LSAMP: variants seen among roughly 807,000 people sequenced by gnomAD.
LSAMP encodes limbic system associated membrane protein, also known as limbic system-associated membrane protein.
In LSAMP, 7 loss-of-function variants were observed where a neutral mutation model predicts 38.6. The observed-to-expected ratio is 0.18, with a 90% CI of 0.10 to 0.34. The LOEUF (loss-of-function observed/expected upper bound fraction) is 0.34. Ranked by LOEUF, LSAMP falls within the 10% of genes least tolerant of loss-of-function variation. The pLI is 1.00. For synonymous variants in LSAMP, 154 were observed against 166.8 expected, an observed-to-expected ratio of 0.92 and a Z score of 0.59; for missense variants, 313 against 420.0, an observed-to-expected ratio of 0.75 and a Z score of 2.23.
intron 1 of LSAMP, among the ~76,000 whole-genome samples, chr3:116,201,929 C>G (rs572729113): frequency 6.6e-6 from 1 of 152,264 alleles, no homozygotes; most frequent in South Asian, 2.1e-4. Context: ...TTCTATTACT[C>G]AGAAAACCTT....
intron 1 of LSAMP, among the ~76,000 whole-genome samples, chr3:116,290,746 T>C (rs1209899678): frequency 8.8e-6 from 1 of 113,706 alleles, no homozygotes; most frequent in South Asian, 2.6e-4. Context: ...ATAATAATAA[T>C]AATAATAATA....
At chr3:116,003,663 T>C (rs930935772) in intron 3 of LSAMP, among the ~76,000 whole-genome samples, 1 of 152,024 alleles carries the variant, frequency 6.6e-6, no homozygotes, top group Non-Finnish European at 1.5e-5. Flanking sequence ...GAATCCTAAA[T>C]CCAATGATGT....
intron 1 of LSAMP, among the ~76,000 whole-genome samples, chr3:116,137,246 G>T (rs1709270923): frequency 2.0e-5 from 3 of 151,876 alleles, no homozygotes; most frequent in Admixed American, 2.0e-4. Context: ...ATTTTGAGAT[G>T]CCTATCTTAA....
At chr3:115,902,629 C>T (rs1449767133) in intron 3 of LSAMP, among the ~76,000 whole-genome samples, 1 of 151,980 alleles carries the variant, frequency 6.6e-6, no homozygotes, top group African/African-American at 2.4e-5. Context: ...CTATAAGGAA[C>T]TTAAAAAAAT....
chr3:115,995,681 T>C (rs1463960782), intron 3 of LSAMP, among the ~76,000 whole-genome samples: 3 of 152,028 alleles, frequency 2.0e-5, no homozygotes, highest in South Asian at 4.1e-4. Context: ...TGAGAAGATA[T>C]ATGTTTTAGT....
chr3:116,183,794 A>G (rs1576417655), intron 1 of LSAMP, among the ~76,000 whole-genome samples: 1 of 151,940 alleles, frequency 6.6e-6, no homozygotes, highest in East Asian at 1.9e-4. Flanking sequence ...TAATAAAAAT[A>G]GCAAGAAGAA....
intron 1 of LSAMP, among the ~76,000 whole-genome samples, chr3:116,189,014 C>A (rs1282530344): frequency 6.6e-6 from 1 of 152,164 alleles, no homozygotes; most frequent in Non-Finnish European, 1.5e-5. Flanking sequence ...CAACTTTATT[C>A]TAGGTGCTGG....
intron 2 of LSAMP, among the ~76,000 whole-genome samples, chr3:116,036,238 C>A (rs1319754326): frequency 1.3e-5 from 2 of 151,990 alleles, no homozygotes; most frequent in Non-Finnish European, 2.9e-5. Flanking sequence ...CTCTCAGAGT[C>A]CCTCATGTTT....
chr3:115,827,548 G>T (rs985847950), intron 6 of LSAMP, among the ~76,000 whole-genome samples: 15 of 152,044 alleles, frequency 9.9e-5, no homozygotes, highest in African/African-American at 3.6e-4. Context: ...GTAATGTCTG[G>T]GTGCTAATCA....
intron 1 of LSAMP, among the ~76,000 whole-genome samples, chr3:116,254,370 T>C (rs567860828): frequency 6.7e-6 from 1 of 149,918 alleles, no homozygotes; most frequent in East Asian, 2.0e-4. Flanking sequence ...CATGCAAAGA[T>C]GGAAAGTGAA....
intron 3 of LSAMP, among the ~76,000 whole-genome samples, chr3:115,897,414 C>T (rs1936756777): frequency 6.6e-6 from 1 of 151,914 alleles, no homozygotes; most frequent in East Asian, 1.9e-4. Flanking sequence ...TAGTTATTTA[C>T]CTCCCTCTTC....
chr3:116,086,983 G>A (rs1708003680), intron 1 of LSAMP, among the ~76,000 whole-genome samples: 1 of 152,170 alleles, frequency 6.6e-6, no homozygotes, highest in Non-Finnish European at 1.5e-5. Context: ...ATTGTGTAAT[G>A]ATAGATTAAA....
At chr3:116,262,805 AG>A (rs1023035668) in intron 1 of LSAMP, among the ~76,000 whole-genome samples, 1 of 152,194 alleles carries the variant, frequency 6.6e-6, no homozygotes, top group African/African-American at 2.4e-5. Context: ...GACATTTACA[AG>A]GGAAATATGA....
chr3:115,965,954 C>T (rs900408697), intron 3 of LSAMP, among the ~76,000 whole-genome samples: 7 of 152,124 alleles, frequency 4.6e-5, no homozygotes, highest in Non-Finnish European at 7.4e-5. Flanking sequence ...GCAGAAGCTG[C>T]TAGTTATCTG....
intron 3 of LSAMP, among the ~76,000 whole-genome samples, chr3:115,913,068 G>C (rs1169932155): frequency 6.6e-6 from 1 of 152,168 alleles, no homozygotes; most frequent in Non-Finnish European, 1.5e-5. Flanking sequence ...AGATTTTTAA[G>C]TAAAACTTGA....
intron 3 of LSAMP, among the ~76,000 whole-genome samples, chr3:115,905,454 A>C (rs897322104): frequency 5.3e-5 from 8 of 152,086 alleles, no homozygotes; most frequent in African/African-American, 1.9e-4. Context: ...GAGAACTATC[A>C]TTATAAGCCC....
chr3:115,944,164 A>G (rs185375244), intron 3 of LSAMP, among the ~76,000 whole-genome samples: 67 of 152,262 alleles, frequency 4.4e-4, no homozygotes, highest in Non-Finnish European at 7.2e-4. Flanking sequence ...GCTAGCTAAG[A>G]CATTTAGAAT....
chr3:116,312,196 C>T (rs2047566687), intron 1 of LSAMP, among the ~76,000 whole-genome samples: 1 of 152,124 alleles, frequency 6.6e-6, no homozygotes, highest in Non-Finnish European at 1.5e-5. Context: ...TATTCCCCTC[C>T]CCCAACAAAT....
At chr3:116,093,881 A>G (rs1708172985) in intron 1 of LSAMP, among the ~76,000 whole-genome samples, 2 of 152,152 alleles carry the variant, frequency 1.3e-5, no homozygotes, top group African/African-American at 4.8e-5. Flanking sequence ...GTGAATCAGC[A>G]AAACTATCAT....
Sources: gnomAD v4.1 joint callset for allele counts (sites outside exome capture counted in the v4.1 genomes callset) on GRCh38, gnomAD v4.1.1 for gene constraint, MANE v1.5 for transcripts, NCBI Gene and HGNC (gene_info 2026-07-23, HGNC 2026-07-21) for gene names.